Variants in BCAS3 observed in about 807,000 individuals in gnomAD.
BCAS3 encodes BCAS4/BCAS3 fusion.
BCAS3 carries 53 observed loss-of-function variants against 116.1 expected under a neutral mutation model. The observed-to-expected ratio is 0.46, with a 90% confidence interval of 0.37 to 0.57. The LOEUF (loss-of-function observed/expected upper bound fraction) is 0.57, where lower values mean the gene tolerates loss of function less well. BCAS3 is among the 20% of genes least tolerant of loss of function. The pLI is 0.00. For missense variants in BCAS3, 917 were observed against 1,165.4 expected (o/e 0.79, Z 3.10); for synonymous variants, 391 against 408.2 (o/e 0.96, Z 0.51).
intron 22 of BCAS3, among the ~76,000 whole-genome samples, chr17:61,240,282 G>GT (rs1223895105): frequency 6.6e-6 from 1 of 152,170 alleles, no homozygotes; most frequent in Non-Finnish European, 1.5e-5. Flanking sequence ...AAGATAAGTG[G>GT]TAGGGACAGG....
At chr17:60,870,930 G>A (rs184210087) in intron 8 of BCAS3, among the ~76,000 whole-genome samples, 85 of 152,222 alleles carry the variant, frequency 5.6e-4, no homozygotes, top group African/African-American at 1.9e-3. Context: ...ATATTTACAA[G>A]TCTATTAAGA....
Position 61,337,943 on chromosome 17 carries a change from A to G in BCAS3, c.2426-30384A>G, listed in dbSNP as rs2056853039. 6.6e-6 allele frequency among the ~76,000 whole-genome samples: 1 copy of G among 152,206 alleles called. No individual in the cohort carries two copies. The highest frequency in any genetic ancestry group is 2.4e-5 in the African/African-American group (1 of 41,464). ...TAAAGCGCTTCATCCAGTACCCCAC[A>G]GCTCTAGGGTATTGTTAGTCTGGGT... On this transcript the variant is annotated intron_variant, in intron 22 of 23. Transcript: ENST00000407086. This position sits in a 1 kb window ranked among gnomAD's most constrained non-coding sequence, Gnocchi z 4.8.
chr17:61,143,584 T>C (rs1011695227), intron 22 of BCAS3, among the ~76,000 whole-genome samples: 2 of 151,416 alleles, frequency 1.3e-5, no homozygotes, highest in African/African-American at 4.8e-5. Flanking sequence ...CTGAGGCGGG[T>C]GGATCACCTG....
chr17:61,045,594 T>C (rs2067980031), intron 19 of BCAS3, among the ~76,000 whole-genome samples: 1 of 149,058 alleles, frequency 6.7e-6, no homozygotes, highest in South Asian at 2.1e-4. Flanking sequence ...GGCGGGGGGA[T>C]CGCTTGAAGC....
At chr17:61,216,992 CT>C (rs1188555037) in intron 22 of BCAS3, among the ~76,000 whole-genome samples, 3 of 151,930 alleles carry the variant, frequency 2.0e-5, no homozygotes, top group Admixed American at 6.6e-5. Context: ...CAAGTTAGCA[CT>C]AGTTTTGGCC....
chr17:61,154,493 T>A (rs1286244864), intron 22 of BCAS3, among the ~76,000 whole-genome samples: 3 of 151,744 alleles, frequency 2.0e-5, no homozygotes, highest in African/African-American at 7.3e-5. Flanking sequence ...TGGAGTGCAG[T>A]GGGGGGATCA....
chr17:61,272,525 G>T (rs1453458111), intron 22 of BCAS3, among the ~76,000 whole-genome samples: 1 of 149,220 alleles, frequency 6.7e-6, no homozygotes, highest in Non-Finnish European at 1.5e-5. Context: ...TGTGGTCTCA[G>T]CTACTCGGGA....
At chr17:61,039,673 G>A (rs772683905) in intron 18 of BCAS3, among the ~76,000 whole-genome samples, 1 of 152,096 alleles carries the variant, frequency 6.6e-6, no homozygotes. Flanking sequence ...CACCCACCTC[G>A]GCCTCCCAAA....
intron 4 of BCAS3, among the ~76,000 whole-genome samples, chr17:60,701,815 A>AG (rs2036440140): frequency 6.6e-6 from 1 of 150,626 alleles, no homozygotes; most frequent in African/African-American, 2.4e-5. Context: ...CAAAAAAAAA[A>AG]AAAAAAGAAA....
In BCAS3 at chr17:61,208,686, C is replaced by G. The variant is rs2081284674; in HGVS notation, c.2425+124122C>G. Among the ~76,000 whole-genome samples the G allele has an allele frequency of 2.0e-5, 3 of 152,266 alleles. No individual in the cohort carries two copies. Among genetic ancestry groups the G allele is most frequent in the Admixed American group, 2.0e-4 (3 of 15,298 alleles). Reference sequence around the variant, plus strand: ...TGTTGATGCTCCCTAGAGAGAGCCTCAGACACATTTTGTTCCCAAACAGAA... The same window carrying G: ...TGTTGATGCTCCCTAGAGAGAGCCTGAGACACATTTTGTTCCCAAACAGAA... On this transcript the variant is annotated intron_variant, in intron 22 of 23. Transcript: ENST00000407086. The surrounding 1 kb of genome is among the most constrained non-coding windows in gnomAD (Gnocchi z 4.5).
chr17:61,356,440 G>A lies in BCAS3; in HGVS notation c.2426-11887G>A, dbSNP rs1356502771. Among the ~76,000 whole-genome samples the A allele has an allele frequency of 1.3e-5, 2 of 152,204 alleles. No individual in the cohort carries two copies. The highest frequency in any genetic ancestry group is 2.9e-5 in the Non-Finnish European group (2 of 68,024). On this transcript the variant is annotated intron_variant, in intron 22 of 23. Transcript: ENST00000407086. This position sits in a 1 kb window ranked among gnomAD's most constrained non-coding sequence, Gnocchi z 5.4. The stretch of plus-strand genomic sequence containing the variant: ...GGGAATGCCAGCTTCAGCCTGACTT[G>A]GAAAGCTCTCTTGTTCCCTGAAGCA...
intron 14 of BCAS3, among the ~76,000 whole-genome samples, chr17:60,982,754 T>A (rs1850641911): frequency 2.0e-5 from 3 of 152,224 alleles, no homozygotes; most frequent in African/African-American, 7.2e-5. Context: ...TGTCAAAATT[T>A]GGTTTTTCTC....
chr17:61,324,224 A>G lies in BCAS3; in HGVS notation c.2426-44103A>G, dbSNP rs1337677391. ...ATGCTAAGCACTCGAGAAATGTTTCAATCAGTGAGTGAATTAGAGGCGGGA... is the reference window on the plus strand; with the variant it reads ...ATGCTAAGCACTCGAGAAATGTTTCGATCAGTGAGTGAATTAGAGGCGGGA... On this transcript the variant is annotated intron_variant, in intron 22 of 23. Transcript: ENST00000407086. The surrounding 1 kb of genome is among the most constrained non-coding windows in gnomAD (Gnocchi z 4.6). Among the ~76,000 whole-genome samples the G allele has an allele frequency of 6.6e-6, 1 of 152,190 alleles. No homozygotes were observed. The highest frequency in any genetic ancestry group is 1.5e-5 in the Non-Finnish European group (1 of 68,028).
At chr17:60,699,750 GTATGTCAT>G (rs2036129163) in intron 4 of BCAS3, among the ~76,000 whole-genome samples, 1 of 151,620 alleles carries the variant, frequency 6.6e-6, no homozygotes, top group East Asian at 1.9e-4. Context: ...AGGTAAAGAG[GTATGTCAT>G]TATTGGTGTT....
chr17:60,722,596 A>C (rs2039358938), intron 5 of BCAS3, among the ~76,000 whole-genome samples: 1 of 152,052 alleles, frequency 6.6e-6, no homozygotes, highest in Non-Finnish European at 1.5e-5. Context: ...CCCCGTCTCT[A>C]TTAAAAATAC....
Position 61,249,316 on chromosome 17 carries a change from A to G in BCAS3, c.2426-119011A>G, listed in dbSNP as rs1003044371. Among the ~76,000 whole-genome samples the G allele has an allele frequency of 6.6e-6, 1 of 152,144 alleles. No homozygotes were observed. Among genetic ancestry groups the G allele is most frequent in the African/African-American group, 2.4e-5 (1 of 41,436 alleles). On this transcript the variant is annotated intron_variant, in intron 22 of 23. Coordinates refer to ENST00000407086, the MANE Select transcript of BCAS3 (RefSeq NM_017679.5). The surrounding 1 kb of genome is among the most constrained non-coding windows in gnomAD (Gnocchi z 6.2). The stretch of plus-strand genomic sequence containing the variant: ...AATAAATAAATAAAATAAAATAGAA[A>G]CTTGAAAATAATACCAGCACTGCTA...
intron 15 of BCAS3, among the ~76,000 whole-genome samples, chr17:61,000,820 A>G (rs1600359717): frequency 6.6e-6 from 1 of 152,180 alleles, no homozygotes. Context: ...ACCAAAAGTG[A>G]TGGTAGTATT....
Position 60,911,123 on chromosome 17 carries a change from CTTTTT to C in BCAS3, c.993+434_993+438del, listed in dbSNP as rs1162942971. On this transcript the variant is annotated intron_variant, in intron 12 of 23. Coordinates refer to ENST00000407086, the MANE Select transcript of BCAS3 (RefSeq NM_017679.5). ...AATAAATTTTTTTCTTTTTTTCTTT[CTTTTT>C]TTTTTTTTTTTTGAGATGGAGCATC... Among the ~76,000 whole-genome samples, 30 of 88,270 alleles carry C rather than the reference CTTTTT, an allele frequency of 3.4e-4. 2 individuals are homozygous for C. The highest frequency in any genetic ancestry group is 1.7e-3 in the South Asian group (4 of 2,406). 57.9% of individuals were successfully genotyped at this position (88,270 alleles called of 152,430 possible).
Position 61,286,719 on chromosome 17 carries a change from CTGTAAATA to C in BCAS3, c.2426-81604_2426-81597del, listed in dbSNP as rs994209901. Among the ~76,000 whole-genome samples the C allele has an allele frequency of 5.3e-5, 8 of 152,152 alleles. No individual in the cohort carries two copies. Among genetic ancestry groups the C allele is most frequent in the Admixed American group, 5.2e-4 (8 of 15,266 alleles). ...CATGTCACCTTCAGAGTAGGTTGGA[CTGTAAATA>C]TGTTTGGTCTCTAAACTCTGCCACG... On this transcript the variant is annotated intron_variant, in intron 22 of 23. Coordinates refer to ENST00000407086, the MANE Select transcript of BCAS3 (RefSeq NM_017679.5). This position sits in a 1 kb window ranked among gnomAD's most constrained non-coding sequence, Gnocchi z 4.8.
Sources: allele counts gnomAD v4.1 joint callset (sites outside exome capture counted in the v4.1 genomes callset), GRCh38; gene constraint gnomAD v4.1.1; non-coding constraint Gnocchi (gnomAD v3.1); transcripts MANE v1.5; gene names NCBI Gene and HGNC (gene_info 2026-07-23, HGNC 2026-07-21).